The following BCAT1 variants were observed in gnomAD, a reference collection of about 807,000 sequenced individuals.
BCAT1 encodes the protein branched chain amino acid transaminase 1.
A neutral mutation model predicts 52.4 loss-of-function variants in BCAT1; 48 were observed. The observed-to-expected ratio is 0.92, with a 90% CI of 0.73 to 1.16. BCAT1 has a LOEUF of 1.16. Ranked by LOEUF, BCAT1 falls within the 50% of genes most tolerant of loss-of-function variation. The probability of loss-of-function intolerance (pLI) is 0.00; values close to 1 mark genes in which losing one functional copy is unlikely to be tolerated. For synonymous variants in BCAT1, 167 were observed against 161.3 expected (o/e 1.04, Z -0.27); for missense variants, 451 against 457.1 (o/e 0.99, Z 0.12).
intron 5 of BCAT1, among the ~76,000 whole-genome samples, chr12:24,857,668 G>T (rs1367252555): frequency 2.6e-5 from 4 of 152,156 alleles, no homozygotes; most frequent in African/African-American, 4.8e-5. Flanking sequence ...AGCACCACAG[G>T]CTCCATTTTG....
At chr12:24,836,321 T>C (rs1328254931) in intron 8 of BCAT1, 190 bp downstream of exon 8, 1 of 557,572 alleles carries the variant, frequency 1.8e-6, no homozygotes, top group Non-Finnish European at 3.1e-6. Context: ...GCCCTTGCTA[T>C]CAACAATACT....
At chr12:24,867,897 C>A (rs560623977) in intron 5 of BCAT1, among the ~76,000 whole-genome samples, 4 of 152,062 alleles carry the variant, frequency 2.6e-5, no homozygotes, top group South Asian at 2.1e-4. Flanking sequence ...CCCAGCTACT[C>A]AGGAGGCTGA....
Position 24,831,651 on chromosome 12 carries a change from AAAAC to A in BCAT1, c.1044+1068_1044+1071del, listed in dbSNP as rs1028134390. Among the ~76,000 whole-genome samples the A allele has an allele frequency of 7.2e-5, 11 of 152,238 alleles. No homozygotes were observed. In the South Asian group the frequency reaches 1.7e-3, roughly 23 times the overall value. Reference sequence around the variant, plus strand: ...GTGACAGAGAAAGACCCCGTTTAAAAAAACAAACAAACAAAAAAAGTTGTATGTG... The same window carrying A: ...GTGACAGAGAAAGACCCCGTTTAAAAAAACAAACAAAAAAAGTTGTATGTG... On this transcript the variant is annotated intron_variant, in intron 9 of 10. Coordinates refer to ENST00000261192, the MANE Select transcript of BCAT1 (RefSeq NM_005504.7).
chr12:24,873,087 G>A (rs1591827151), intron 5 of BCAT1, among the ~76,000 whole-genome samples: 1 of 152,238 alleles, frequency 6.6e-6, no homozygotes, highest in Non-Finnish European at 1.5e-5. Context: ...TCAACAGGAC[G>A]AGGTTAAAAT....
Position 24,842,211 on chromosome 12 carries a change from AT to A in BCAT1, c.687del (p.Ser230LeufsTer9). 6.2e-7 allele frequency: 1 copy of A among 1,613,934 alleles called. No homozygotes were observed. The highest frequency in any genetic ancestry group is 8.5e-7 in the Non-Finnish European group (1 of 1,179,868). On this transcript the variant is annotated frameshift_variant, in exon 7 of 11. Coordinates refer to ENST00000261192, the MANE Select transcript of BCAT1 (RefSeq NM_005504.7). LOFTEE classifies it high-confidence loss of function. ...GDCKMGGNYG[S>X]SLFAQCEAVD... is the part of the protein sequence containing the mutation. ...ACTGCTTCACATTGGGCAAAAAGAGATGAGCCGTAATTCCTTTAAGAAAGAG... is the reference window on the plus strand; with the variant it reads ...ACTGCTTCACATTGGGCAAAAAGAGAGAGCCGTAATTCCTTTAAGAAAGAG...
chr12:24,894,141 T>C, intron 3 of BCAT1, 134 bp downstream of exon 3: 1 of 784,870 alleles, frequency 1.3e-6, no homozygotes, highest in Non-Finnish European at 1.9e-6. Context: ...GGAAAACTTT[T>C]AAAGACATTT....
Position 24,849,840 on chromosome 12 carries a change from T to C in BCAT1, c.620A>G (p.Asn207Ser). ...TTTCCAGGCTCTTACATACTTGGGATTGGCCCACAGGGACACTGGATTAAA... is the reference window on the plus strand; with the variant it reads ...TTTCCAGGCTCTTACATACTTGGGACTGGCCCACAGGGACACTGGATTAAA... ...GTFNPVSLWA[N>S]PKYVRAWKGG... Residue 207 changes from asparagine to serine, a missense_variant, in exon 6 of 11, where the codon AAT (asparagine) becomes AGT (serine). By Grantham distance (46) the Asn-to-Ser change is conservative. Coordinates refer to ENST00000261192, the MANE Select transcript of BCAT1 (RefSeq NM_005504.7). 1 of 1,613,794 alleles carries C rather than the reference T, an allele frequency of 6.2e-7. No homozygotes were observed. Among genetic ancestry groups the C allele is most frequent in the African/African-American group, 1.3e-5 (1 of 75,042 alleles).
At chr12:24,948,871 C>A in intron 1 of BCAT1, 56 bp downstream of exon 1, 1 of 1,565,090 alleles carries the variant, frequency 6.4e-7, no homozygotes, top group Non-Finnish European at 8.7e-7. Flanking sequence ...GAGAAATCGC[C>A]GGTTCGATTC....
chr12:24,825,452 T>A (rs569840354), intron 10 of BCAT1, among the ~76,000 whole-genome samples: 2 of 73,908 alleles, frequency 2.7e-5, no homozygotes, highest in South Asian at 1.3e-3. Flanking sequence ...TCCCAGCATC[T>A]GTTATTGCCT....
At chr12:24,902,357 C>G in intron 1 of BCAT1, 1 of 1,184,412 alleles carries the variant, frequency 8.4e-7, no homozygotes, top group Non-Finnish European at 1.0e-6. Context: ...TTTCCTCCAC[C>G]AGCAGGGTCC....
At chr12:24,886,007 T>G (rs1942653379) in intron 3 of BCAT1, among the ~76,000 whole-genome samples, 1 of 152,232 alleles carries the variant, frequency 6.6e-6, no homozygotes, top group Non-Finnish European at 1.5e-5. Context: ...AAACTGCCTT[T>G]AATTTAAACA....
chr12:24,943,155 T>C (rs996072121), intron 1 of BCAT1, among the ~76,000 whole-genome samples: 2 of 152,214 alleles, frequency 1.3e-5, no homozygotes, highest in Non-Finnish European at 2.9e-5. Context: ...TTTGTGTCTA[T>C]ATGTGTTTGC....
At chr12:24,925,148 A>G (rs1943558743) in intron 1 of BCAT1, among the ~76,000 whole-genome samples, 1 of 152,234 alleles carries the variant, frequency 6.6e-6, no homozygotes, top group Non-Finnish European at 1.5e-5. Flanking sequence ...GACTTTGAGT[A>G]AAGCAGATTG....
At chr12:24,898,795 G>C (rs565011874) in intron 2 of BCAT1, among the ~76,000 whole-genome samples, 1 of 151,906 alleles carries the variant, frequency 6.6e-6, no homozygotes, top group Non-Finnish European at 1.5e-5. Flanking sequence ...GGATTACAGG[G>C]GTGAGTCACC....
At chr12:24,939,645 T>C (rs61912192) in intron 1 of BCAT1, among the ~76,000 whole-genome samples, 13,070 of 152,154 alleles carry the variant, frequency 0.086, 708 homozygotes, top group Middle Eastern at 0.23. Flanking sequence ...GAGATCAGCC[T>C]GGCCAGCATG....
rs551232666 is a variant in BCAT1 at position 24,820,224 on chromosome 12, C to T, written c.1120-2175G>A. ...CCTGCATAATATGCACTAAGCTTTA[C>T]TCTTCTCATTCTGTAATTTATGCTT... On this transcript the variant is annotated intron_variant, in intron 10 of 10. Coordinates refer to ENST00000261192, the MANE Select transcript of BCAT1 (RefSeq NM_005504.7). Among the ~76,000 whole-genome samples the T allele has an allele frequency of 2.6e-4, 39 of 152,312 alleles. 1 individual carries two copies. The highest frequency in any genetic ancestry group is 2.4e-3 in the Admixed American group (37 of 15,292).
At chr12:24,830,099 G>A (rs2139371286) in intron 9 of BCAT1, 4 of 413,700 alleles carry the variant, frequency 9.7e-6, no homozygotes, top group Non-Finnish European at 1.3e-5. Context: ...GCCAATGACA[G>A]GTTATACATT....
intron 3 of BCAT1, among the ~76,000 whole-genome samples, chr12:24,888,183 G>C (rs749823886): frequency 6.6e-6 from 1 of 151,988 alleles, no homozygotes; most frequent in African/African-American, 2.4e-5. Flanking sequence ...TTAAATCCCT[G>C]CCTAACTTTC....
At chr12:24,905,961 C>A (rs999752943) in intron 1 of BCAT1, among the ~76,000 whole-genome samples, 12 of 150,690 alleles carry the variant, frequency 8.0e-5, no homozygotes, top group Admixed American at 4.0e-4. Flanking sequence ...AGAGAAACAG[C>A]CAGATTTCAG....
Sources: allele counts gnomAD v4.1 joint callset (sites outside exome capture counted in the v4.1 genomes callset), GRCh38; gene constraint gnomAD v4.1.1; transcripts MANE v1.5; gene names NCBI Gene and HGNC (gene_info 2026-07-23, HGNC 2026-07-21).